Variants in SCN10A observed in about 807,000 individuals in gnomAD.
The protein encoded by SCN10A is sodium voltage-gated channel alpha subunit 10, also known as sodium channel protein type 10 subunit alpha.
A neutral mutation model predicts 170.7 loss-of-function variants in SCN10A; 162 were observed. The observed-to-expected ratio is 0.95, with a 90% confidence interval of 0.84 to 1.08. SCN10A has a LOEUF of 1.08. Ranked by LOEUF, SCN10A falls within the 50% of genes least tolerant of loss-of-function variation. SCN10A has a pLI of 0.00. For synonymous variants in SCN10A, 985 were observed against 904.6 expected, an observed-to-expected ratio of 1.09 and a Z score of -1.59; for missense variants, 2,527 against 2,436.9, an observed-to-expected ratio of 1.04 and a Z score of -0.78.
chr3:38,756,772 T>C lies in SCN10A; in HGVS notation c.1192A>G (p.Met398Val), dbSNP rs551816827. The change falls in exon 10 of 28, where the codon ATG becomes GTG. Residue 398 changes from methionine (M) to valine (V), a missense_variant. Transcript: ENST00000449082. ...LVNLILAVVT[M>V]AYEEQNQATT... ...GCCTGGTTCTGCTCCTCATACGCCATGGTGACTACAGCCAAGATCAAGTTG... is the reference window on the plus strand; with the variant it reads ...GCCTGGTTCTGCTCCTCATACGCCACGGTGACTACAGCCAAGATCAAGTTG... The C allele has an allele frequency of 6.2e-7, 1 of 1,614,154 alleles. No individual in the cohort carries two copies. The highest frequency in any genetic ancestry group is 1.7e-5 in the Admixed American group (1 of 60,024).
chr3:38,698,230 C>T lies in SCN10A; in HGVS notation c.4990G>A (p.Asp1664Asn). Residue 1664 changes from aspartate (D) to asparagine (N), a missense_variant, in exon 28 of 28, where the codon GAT becomes AAT. By Grantham distance (23) the Asp-to-Asn change is conservative (BLOSUM62 1). Coordinates refer to ENST00000449082, the MANE Select transcript of SCN10A (RefSeq NM_006514.4). Reference sequence around the variant, plus strand: ...TTGAGGATGGGGCTGAGGAGGCCATCCCAGCCGGCCGACGTGGTAATCTGG... The same window carrying T: ...TTGAGGATGGGGCTGAGGAGGCCATTCCAGCCGGCCGACGTGGTAATCTGG... ...LFQITTSAGWDGLLSPILNTG... is the reference protein window; with the variant it reads ...LFQITTSAGWNGLLSPILNTG... 1 of 1,614,056 alleles carries T rather than the reference C, an allele frequency of 6.2e-7. No homozygotes were observed. The highest frequency in any genetic ancestry group is 8.5e-7 in the Non-Finnish European group (1 of 1,180,014).
intron 1 of SCN10A, among the ~76,000 whole-genome samples, chr3:38,807,385 C>T (rs972733561): frequency 1.3e-5 from 2 of 152,088 alleles, no homozygotes; most frequent in Non-Finnish European, 2.9e-5. Flanking sequence ...CACTTCAAAG[C>T]ACTGTAATAT....
chr3:38,726,756 G>A lies in SCN10A; in HGVS notation c.2937C>T (p.Gly979=), dbSNP rs59468016. Residue 979 remains glycine, a synonymous_variant, in exon 17 of 28, where the codon GGC becomes GGT. Coordinates refer to ENST00000449082, the MANE Select transcript of SCN10A (RefSeq NM_006514.4). ...GSSGGLQAPR[G]PRDEHSDFIA... ...TGAAGTCACTGTGCTCATCCCTGGG[G>A]CCTCTGGGAGCTTGGAGCCCTCCAG... The A allele has an allele frequency of 0.24, 390,072 of 1,611,748 alleles. 50,463 individuals are homozygous for A. Among genetic ancestry groups the A allele is most frequent in the East Asian group, 0.42 (18,925 of 44,752 alleles).
intron 14 of SCN10A, among the ~76,000 whole-genome samples, chr3:38,742,089 C>T (rs1266430610): frequency 2.0e-5 from 3 of 152,204 alleles, no homozygotes; most frequent in Non-Finnish European, 4.4e-5. Flanking sequence ...GCCATTCCCA[C>T]CAGCTCAGCC....
In SCN10A at chr3:38,761,387, C is replaced by T. The variant is rs373083732; in HGVS notation, c.692-4G>A. 5.8e-5 allele frequency: 93 copies of T among 1,610,276 alleles called. No individual in the cohort carries two copies. The East Asian group carries it at 9.1e-4, about 16-fold the overall frequency. On this transcript the variant is annotated splice_region_variant and splice_polypyrimidine_tract_variant and intron_variant, in intron 6 of 27. Coordinates refer to ENST00000449082, the MANE Select transcript of SCN10A (RefSeq NM_006514.4). ...GCCCCCACAATGACCTTCAGGCCTG[C>T]GGGAAGATGACAGTGGTATGACCAC... is the stretch of plus-strand genomic sequence containing the variant.
At chr3:38,723,702 C>G (rs1222348821) in intron 18 of SCN10A, 149 bp from the exon 19 acceptor site, 1 of 1,033,882 alleles carries the variant, frequency 9.7e-7, no homozygotes, top group African/African-American at 1.6e-5. Context: ...GCCCCAGAGG[C>G]TTAGCTGTGT....
At chr3:38,769,465 T>G (rs888396057) in intron 5 of SCN10A, among the ~76,000 whole-genome samples, 10 of 152,104 alleles carry the variant, frequency 6.6e-5, no homozygotes, top group East Asian at 1.9e-4. Flanking sequence ...GGTCTTGAAC[T>G]TCTGACCTCA....
chr3:38,747,216 TAC>T (rs2063700781), intron 13 of SCN10A, among the ~76,000 whole-genome samples: 1 of 152,160 alleles, frequency 6.6e-6, no homozygotes, highest in Non-Finnish European at 1.5e-5. Flanking sequence ...AGGGGAAGTC[TAC>T]CCTACCCCAA....
At position 38,763,510 on chromosome 3, in the gene SCN10A, A is replaced by G. The variant is rs370200847; in HGVS notation, c.686T>C (p.Ile229Thr). 1 of 1,612,576 alleles carries G rather than the reference A, an allele frequency of 6.2e-7. No homozygotes were observed. Among genetic ancestry groups the G allele is most frequent in the African/African-American group, 1.3e-5 (1 of 74,906 alleles). ...VLRALKTVSV[I>T]PGLKVIVGAL... Reference sequence around the variant, plus strand: ...CTCTGTGAATAAATGCTCACCTGGGATCACAGAAACTGTTTTTAATGCTCT... The same window carrying G: ...CTCTGTGAATAAATGCTCACCTGGGGTCACAGAAACTGTTTTTAATGCTCT... Residue 229 changes from isoleucine to threonine, a missense_variant, in exon 6 of 28, where the codon ATC (isoleucine) becomes ACC (threonine). Physicochemically the swap from Ile to Thr is moderately conservative, Grantham distance 89. Transcript: ENST00000449082.
At chr3:38,795,164 G>A (rs1376548753) in intron 1 of SCN10A, among the ~76,000 whole-genome samples, 2 of 151,862 alleles carry the variant, frequency 1.3e-5, no homozygotes, top group African/African-American at 4.8e-5. Context: ...TTCTCTATTG[G>A]CTTTTAATAA....
At chr3:38,748,683 G>T (rs2063717543) in intron 13 of SCN10A, among the ~76,000 whole-genome samples, 1 of 151,934 alleles carries the variant, frequency 6.6e-6, no homozygotes, top group Non-Finnish European at 1.5e-5. Context: ...CCTTCACTGG[G>T]GGCTAAGTCA....
At chr3:38,771,856 T>C (rs552363373) in intron 4 of SCN10A, among the ~76,000 whole-genome samples, 2 of 152,290 alleles carry the variant, frequency 1.3e-5, no homozygotes, top group East Asian at 3.9e-4. Flanking sequence ...AAGCAGGGAA[T>C]ACCCAGAAGC....
intron 1 of SCN10A, among the ~76,000 whole-genome samples, chr3:38,815,025 G>A (rs534345730): frequency 1.3e-5 from 2 of 152,140 alleles, no homozygotes; most frequent in African/African-American, 4.8e-5. Context: ...TCTCTTTTCT[G>A]GCACAAATCT....
At chr3:38,729,323 C>A (rs2063491663) in intron 15 of SCN10A, among the ~76,000 whole-genome samples, 1 of 152,094 alleles carries the variant, frequency 6.6e-6, no homozygotes. Flanking sequence ...AGGGGATGAC[C>A]CACTGCATTC....
intron 4 of SCN10A, among the ~76,000 whole-genome samples, chr3:38,783,447 G>A (rs536515480): frequency 3.9e-5 from 6 of 152,110 alleles, no homozygotes; most frequent in African/African-American, 1.4e-4. Flanking sequence ...TTATATAAAT[G>A]AACCTTGTTT....
chr3:38,783,267 G>A (rs373209450), intron 4 of SCN10A, among the ~76,000 whole-genome samples: 9 of 152,062 alleles, frequency 5.9e-5, no homozygotes, highest in African/African-American at 1.9e-4. Flanking sequence ...AAAATGGAAC[G>A]TGACCAGCAC....
chr3:38,769,854 GC>G (rs1484734487), intron 5 of SCN10A, among the ~76,000 whole-genome samples: 1 of 152,190 alleles, frequency 6.6e-6, no homozygotes, highest in African/African-American at 2.4e-5. Context: ...ACACAGAGGG[GC>G]TACCAGGCTC....
intron 5 of SCN10A, among the ~76,000 whole-genome samples, chr3:38,767,858 A>G (rs965834866): frequency 1.3e-5 from 2 of 151,866 alleles, no homozygotes; most frequent in Non-Finnish European, 2.9e-5. Flanking sequence ...CACTATTATT[A>G]TATTGCTGTC....
intron 1 of SCN10A, among the ~76,000 whole-genome samples, chr3:38,815,234 T>A (rs2064467120): frequency 6.6e-6 from 1 of 152,200 alleles, no homozygotes; most frequent in African/African-American, 2.4e-5. Flanking sequence ...TCTGAACGTG[T>A]ATAAATGCTA....
Sources: allele counts gnomAD v4.1 joint callset (sites outside exome capture counted in the v4.1 genomes callset), GRCh38; gene constraint gnomAD v4.1.1; transcripts MANE v1.5; gene names NCBI Gene and HGNC (gene_info 2026-07-23, HGNC 2026-07-21).